The following CFAP20DC variants were observed in gnomAD, a reference collection of about 807,000 sequenced individuals.
CFAP20DC encodes the protein CFAP20 domain containing.
Under a neutral mutation model 101.7 loss-of-function variants are expected in CFAP20DC, and 84 were observed. The observed-to-expected ratio is 0.83, with a 90% CI of 0.69 to 0.99. The LOEUF (loss-of-function observed/expected upper bound fraction) is 0.99. CFAP20DC is among the 50% of genes least tolerant of loss of function. The probability of loss-of-function intolerance (pLI) is 0.00; values close to 1 mark genes in which losing one functional copy is unlikely to be tolerated. For synonymous variants in CFAP20DC, 359 were observed against 351.2 expected (o/e 1.02, Z -0.25); for missense variants, 1,007 against 970.3 (o/e 1.04, Z -0.50).
At chr3:59,010,820 G>A (rs2093564793) in intron 4 of CFAP20DC, among the ~76,000 whole-genome samples, 1 of 152,118 alleles carries the variant, frequency 6.6e-6, no homozygotes, top group Admixed American at 6.6e-5. Flanking sequence ...CAAAAAACAA[G>A]TCTCAATACA....
chr3:59,046,625 CAATA>C (rs1699884671), intron 2 of CFAP20DC, among the ~76,000 whole-genome samples: 1 of 152,086 alleles, frequency 6.6e-6, no homozygotes, highest in African/African-American at 2.4e-5. Context: ...TTAATTAAAT[CAATA>C]AATAAAGCAA....
chr3:58,979,440 A>C (rs2092425927), intron 4 of CFAP20DC, among the ~76,000 whole-genome samples: 1 of 152,212 alleles, frequency 6.6e-6, no homozygotes, highest in Non-Finnish European at 1.5e-5. Context: ...AGTTTTATTC[A>C]TATTCTAGAA....
At chr3:59,028,184 C>G (rs919242260) in intron 4 of CFAP20DC, among the ~76,000 whole-genome samples, 8 of 152,090 alleles carry the variant, frequency 5.3e-5, no homozygotes, top group Admixed American at 5.2e-4. Context: ...TATCCACAGG[C>G]ATATGATCCT....
intron 15 of CFAP20DC, among the ~76,000 whole-genome samples, chr3:58,774,748 G>T (rs2071166684): frequency 6.6e-6 from 1 of 152,174 alleles, no homozygotes. Context: ...TATTTTATTT[G>T]CATAAAGTCA....
At chr3:58,983,238 T>A (rs2092638399) in intron 4 of CFAP20DC, among the ~76,000 whole-genome samples, 2 of 152,186 alleles carry the variant, frequency 1.3e-5, no homozygotes, top group African/African-American at 4.8e-5. Context: ...TGGGTGGGTT[T>A]TATGGGCCAG....
intron 6 of CFAP20DC, chr3:58,887,339 T>C (rs961282445): frequency 2.0e-5 from 3 of 152,188 alleles, no homozygotes; most frequent in Non-Finnish European, 4.4e-5. Context: ...ATAATTTCCA[T>C]GTCAATGCCA....
intron 15 of CFAP20DC, among the ~76,000 whole-genome samples, chr3:58,784,095 GC>G (rs2072099415): frequency 6.6e-6 from 1 of 151,472 alleles, no homozygotes; most frequent in African/African-American, 2.4e-5. Flanking sequence ...AGGCTGAAGT[GC>G]GGCAGCAGTG....
At chr3:58,742,664 T>C (rs2067944035) in intron 16 of CFAP20DC, 92 bp from the exon 17 acceptor site, 11 of 820,800 alleles carry the variant, frequency 1.3e-5, no homozygotes, top group Non-Finnish European at 1.9e-5. Flanking sequence ...CCATCTCTCC[T>C]GGGGGATTTT....
chr3:58,995,950 C>T (rs1471466720), intron 4 of CFAP20DC, among the ~76,000 whole-genome samples: 1 of 150,104 alleles, frequency 6.7e-6, no homozygotes, highest in African/African-American at 2.5e-5. Flanking sequence ...GCCTCCATGA[C>T]CACATGAGCC....
chr3:58,794,241 A>G (rs1194422137), intron 15 of CFAP20DC: 1 of 402,408 alleles, frequency 2.5e-6, no homozygotes, highest in Non-Finnish European at 5.1e-6. Flanking sequence ...TTTTTTTCCC[A>G]TGCCTACACC....
chr3:58,855,283 T>C (rs1314253044), intron 12 of CFAP20DC, among the ~76,000 whole-genome samples: 13 of 152,076 alleles, frequency 8.5e-5, no homozygotes, highest in African/African-American at 3.1e-4. Flanking sequence ...AGAACCACAA[T>C]GAGATACCAT....
intron 4 of CFAP20DC, among the ~76,000 whole-genome samples, chr3:58,945,303 T>C (rs2089193654): frequency 1.3e-5 from 2 of 152,318 alleles, no homozygotes; most frequent in South Asian, 4.1e-4. Flanking sequence ...CATAGTAGAA[T>C]GACCTTTCCT....
chr3:58,959,470 T>C (rs2090944272), intron 4 of CFAP20DC, among the ~76,000 whole-genome samples: 2 of 152,220 alleles, frequency 1.3e-5, no homozygotes, highest in Non-Finnish European at 2.9e-5. Flanking sequence ...TAAAATAAGT[T>C]TTATATATGT....
chr3:58,929,564 T>C (rs1303971862), intron 5 of CFAP20DC, among the ~76,000 whole-genome samples: 1 of 152,244 alleles, frequency 6.6e-6, no homozygotes, highest in East Asian at 1.9e-4. Context: ...TCACATTTAA[T>C]GTTCAAGCAT....
chr3:58,835,374 C>T (rs2076667208), intron 13 of CFAP20DC, among the ~76,000 whole-genome samples: 1 of 152,136 alleles, frequency 6.6e-6, no homozygotes, highest in African/African-American at 2.4e-5. Flanking sequence ...AATTTGTTGA[C>T]AAATGGAGTT....
At position 58,729,820 on chromosome 3, in the gene CFAP20DC, A is replaced by G. The variant is rs187301940; in HGVS notation, c.198-12192T>C. ...AATTGCCTGAGGTCAGGAGTTCGAG[A>G]CCAGCGTGACCAACACGGAGAAACC... is the stretch of plus-strand genomic sequence containing the variant. On this transcript the variant is annotated intron_variant, in intron 3 of 3. Transcript: ENST00000486145. The surrounding 1 kb of genome is among the most constrained non-coding windows in gnomAD (Gnocchi z 4.4). Among the ~76,000 whole-genome samples the G allele has an allele frequency of 3.7e-3, 569 of 152,166 alleles. 8 individuals are homozygous for G. Among genetic ancestry groups the G allele is most frequent in the Non-Finnish European group, 3.4e-3 (229 of 68,014 alleles).
intron 13 of CFAP20DC, among the ~76,000 whole-genome samples, chr3:58,844,540 T>C (rs1231014377): frequency 7.3e-6 from 1 of 137,372 alleles, no homozygotes; most frequent in Non-Finnish European, 1.5e-5. Context: ...CAAAGAGACT[T>C]AGACTCCCAC....
chr3:58,976,562 A>G (rs893073149), intron 4 of CFAP20DC, among the ~76,000 whole-genome samples: 1 of 152,146 alleles, frequency 6.6e-6, no homozygotes, highest in Non-Finnish European at 1.5e-5. Flanking sequence ...CACTTACACT[A>G]TTTGCAAAAC....
chr3:58,844,369 C>T (rs1213511080), intron 13 of CFAP20DC, among the ~76,000 whole-genome samples: 1 of 138,578 alleles, frequency 7.2e-6, no homozygotes, highest in African/African-American at 3.0e-5. Flanking sequence ...ATCCTAGTCT[C>T]TGATAAAACA....
Sources: gnomAD v4.1 joint callset for allele counts (sites outside exome capture counted in the v4.1 genomes callset) on GRCh38, gnomAD v4.1.1 for gene constraint, Gnocchi (gnomAD v3.1) non-coding constraint, MANE v1.5 for transcripts, NCBI Gene and HGNC (gene_info 2026-07-23, HGNC 2026-07-21) for gene names.